SPATC1L: variants seen among roughly 807,000 people sequenced by gnomAD.
The protein encoded by SPATC1L is speriolin-like protein.
Under a neutral mutation model 21.2 loss-of-function variants are expected in SPATC1L, and 20 were observed. The observed-to-expected ratio is 0.94, with a 90% CI of 0.66 to 1.37. The LOEUF is 1.37. Among genes scored for constraint, SPATC1L ranks in the 40% most tolerant of loss-of-function variants. The pLI, the probability that SPATC1L is intolerant of heterozygous loss-of-function variation, is 0.00. For synonymous variants in SPATC1L, 290 were observed against 234.5 expected, an observed-to-expected ratio of 1.24 and a Z score of -2.16; for missense variants, 499 against 478.7, an observed-to-expected ratio of 1.04 and a Z score of -0.40.
chr21:46,170,521 T>TC (rs769482374), intron 2 of SPATC1L, among the ~76,000 whole-genome samples: 9 of 23,668 alleles, frequency 3.8e-4, no homozygotes, highest in African/African-American at 7.1e-4. Context: ...AGGAGGAGCC[T>TC]CCTGCTCTGT....
intron 2 of SPATC1L, among the ~76,000 whole-genome samples, chr21:46,171,441 A>G (rs1246853904): frequency 6.6e-6 from 1 of 152,036 alleles, no homozygotes; most frequent in Non-Finnish European, 1.5e-5. Context: ...AAAAAAAAAA[A>G]AAAATGTGCC....
chr21:46,167,797 A>G (rs1164584243), intron 3 of SPATC1L, among the ~76,000 whole-genome samples: 1 of 152,176 alleles, frequency 6.6e-6, no homozygotes, highest in Non-Finnish European at 1.5e-5. Flanking sequence ...TATGAAAATT[A>G]ACTTGGAATT....
rs1181649124 is a variant in SPATC1L at position 46,161,337 on chromosome 21, C to A, written c.*42G>T. Reference sequence around the variant, plus strand: ...GAGGCACCGCGGCCCCGGGTTGGAACAAACGCGTTTACTGCAGGCAAGGCG... The same window carrying A: ...GAGGCACCGCGGCCCCGGGTTGGAAAAAACGCGTTTACTGCAGGCAAGGCG... On this transcript the variant is annotated 3_prime_UTR_variant, in exon 5 of 5. Coordinates refer to ENST00000291672, the MANE Select transcript of SPATC1L (RefSeq NM_001142854.2). 3.4e-6 allele frequency: 5 copies of A among 1,468,690 alleles called. No homozygotes were observed. Among genetic ancestry groups the A allele is most frequent in the Non-Finnish European group, 4.5e-6 (5 of 1,115,038 alleles). The allele number at this position is 1,468,690 out of a possible 1,614,324, so 91.0% of individuals were successfully genotyped here.
rs1290857121 is a variant in SPATC1L, at chr21:46,161,510, T to C, written c.892A>G (p.Ser298Gly). 1 of 1,608,712 alleles carries C rather than the reference T, an allele frequency of 6.2e-7. No individual in the cohort carries two copies. Among genetic ancestry groups the C allele is most frequent in the East Asian group, 2.2e-5 (1 of 44,716 alleles). ...AGCTTGCGCAGCGCGGCCGGGCTGC[T>C]GTGCAGGGGGTTGGCGCGCAGGTCG... ...RPDLRANPLHSSPAALRKLVI... is the reference protein window; with the variant it reads ...RPDLRANPLHGSPAALRKLVI... The change falls in exon 5 of 5, where the codon AGC (serine) becomes GGC (glycine). Residue 298 changes from serine (S) to glycine (G), a missense_variant. Coordinates refer to ENST00000291672, the MANE Select transcript of SPATC1L (RefSeq NM_001142854.2).
intron 2 of SPATC1L, among the ~76,000 whole-genome samples, chr21:46,172,132 AGTG>A (rs771157901): frequency 0.72 from 89,396 of 125,006 alleles, 35,176 homozygotes; most frequent in East Asian, 0.98. Flanking sequence ...GGATGCACAG[AGTG>A]TGAGGTGGGG....
chr21:46,176,056 T>C (rs2079630863), intron 2 of SPATC1L, among the ~76,000 whole-genome samples: 1 of 151,980 alleles, frequency 6.6e-6, no homozygotes, highest in Non-Finnish European at 1.5e-5. Context: ...AAAAACCATA[T>C]GATTATCTTA....
chr21:46,182,712 G>C lies in SPATC1L; in HGVS notation c.105C>G (p.Leu35=). 1 of 1,546,098 alleles carries C rather than the reference G, an allele frequency of 6.5e-7. No individual in the cohort carries two copies. Among genetic ancestry groups the C allele is most frequent in the Non-Finnish European group, 8.7e-7 (1 of 1,146,652 alleles). ...CGCCGCCCTCCTGGCAGCTCTGGCT[G>C]AGCAGCCGCCGCAGCATCTGATTCT... ...LKENQMLRRL[L]SQSCQEGGGH... The change falls in exon 2 of 5, where the codon CTC becomes CTG. Residue 35 remains leucine, a synonymous_variant. Transcript: ENST00000291672.
chr21:46,182,948 A>C lies in SPATC1L; in HGVS notation c.-132T>G, dbSNP rs1460322533. 2 of 935,330 alleles carry C rather than the reference A, an allele frequency of 2.1e-6. No homozygotes were observed. The highest frequency in any genetic ancestry group is 3.1e-6 in the Non-Finnish European group (2 of 650,860). The allele number at this position is 935,330 out of a possible 1,614,324, so 57.9% of individuals were successfully genotyped here. A position where few individuals can be genotyped will look rare whatever the true frequency, so the allele number is the denominator to read the frequency against. On this transcript the variant is annotated 5_prime_UTR_variant, in exon 2 of 5. Coordinates refer to ENST00000291672, the MANE Select transcript of SPATC1L (RefSeq NM_001142854.2). ...CCACCACCGCCTTCCACGCCTTGTG[A>C]TGTCACTGCCCTAGTGATGAGGTGC...
chr21:46,161,484 C>T lies in SPATC1L; in HGVS notation c.918G>A (p.Leu306=). The T allele has an allele frequency of 2.5e-6, 4 of 1,601,444 alleles. No individual in the cohort carries two copies. The highest frequency in any genetic ancestry group is 1.3e-5 in the African/African-American group (1 of 74,794). ...LHSSPAALRK[L]VIDVVPPKFL... ...ACTTGGGGGGCACCACGTCGATGAC[C>T]AGCTTGCGCAGCGCGGCCGGGCTGC... Residue 306 remains leucine (L), a synonymous_variant, in exon 5 of 5, where the codon CTG becomes CTA. Transcript: ENST00000291672.
In SPATC1L at chr21:46,170,439, G is replaced by A. The variant is rs1299948123; in HGVS notation, c.194-1781C>T. ...GAACATCCTCTGTGGATGGGGAGGA[G>A]CCTCCCTGCTCTGTGAGCATCCTCT... On this transcript the variant is annotated intron_variant, in intron 2 of 4. Coordinates refer to ENST00000291672, the MANE Select transcript of SPATC1L (RefSeq NM_001142854.2). 2.3e-5 allele frequency among the ~76,000 whole-genome samples: 3 copies of A among 132,204 alleles called. No individual in the cohort carries two copies. The East Asian group carries it at 6.0e-4, about 26-fold the overall frequency. The allele number at this position is 132,204 out of a possible 152,430, so 86.7% of individuals were successfully genotyped here.
At position 46,161,225 on chromosome 21, in the gene SPATC1L, G is replaced by A. The variant is rs2079482489; in HGVS notation, c.*154C>T. The A allele has an allele frequency of 4.8e-6, 3 of 629,434 alleles. No homozygotes were observed. The highest frequency in any genetic ancestry group is 7.3e-6 in the Non-Finnish European group (3 of 410,150). 39.0% of individuals were successfully genotyped at this position (629,434 alleles called of 1,614,324 possible). On this transcript the variant is annotated 3_prime_UTR_variant, in exon 5 of 5. Transcript: ENST00000291672. ...CAGGTGCGGGCAGCGGCGGGCTGCG[G>A]TCGGGGCCCAGCACCGGTGGGAGCG...
intron 2 of SPATC1L, among the ~76,000 whole-genome samples, chr21:46,177,861 AC>A (rs1189264724): frequency 6.6e-6 from 1 of 152,234 alleles, no homozygotes; most frequent in Admixed American, 6.5e-5. Flanking sequence ...CACGGAATCA[AC>A]TTAAATGCCC....
At position 46,163,325 on chromosome 21, in the gene SPATC1L, G is replaced by GT. The variant is rs772186595; in HGVS notation, c.545-1259dup. ...ACTGTCCTTTGAAGCACAAAAGTTT[G>GT]TTTTTTTGTTTTGTTTTACTTTTGA... On this transcript the variant is annotated intron_variant, in intron 3 of 4. Coordinates refer to ENST00000291672, the MANE Select transcript of SPATC1L (RefSeq NM_001142854.2). 5.3e-5 allele frequency among the ~76,000 whole-genome samples: 8 copies of GT among 152,228 alleles called. No individual in the cohort carries two copies. The East Asian group carries it at 1.2e-3, about 22-fold the overall frequency.
intron 2 of SPATC1L, 92 bp from the exon 3 acceptor site, chr21:46,168,750 C>A: frequency 1.2e-6 from 1 of 817,738 alleles, no homozygotes; most frequent in Admixed American, 3.9e-5. Flanking sequence ...CCCCTATGCA[C>A]CCCACCCCAA....
intron 4 of SPATC1L, 66 bp downstream of exon 4, chr21:46,161,850 G>A: frequency 6.4e-7 from 1 of 1,565,338 alleles, no homozygotes; most frequent in Admixed American, 1.8e-5. Flanking sequence ...CCAAGATCTG[G>A]GGGCCGCACA....
chr21:46,163,505 C>A (rs900572346), intron 3 of SPATC1L, among the ~76,000 whole-genome samples: 23 of 152,180 alleles, frequency 1.5e-4, no homozygotes, highest in African/African-American at 4.8e-4. Flanking sequence ...GTCTTTGATC[C>A]ATTTTGAGTT....
At position 46,182,771 on chromosome 21, in the gene SPATC1L, C is replaced by A. The variant is rs913515766; in HGVS notation, c.46G>T (p.Ala16Ser). 7.1e-6 allele frequency: 11 copies of A among 1,546,936 alleles called. No individual in the cohort carries two copies. In the African/African-American group the frequency reaches 1.1e-4, roughly 15 times the overall value. ...AGGCGCACCTGCTTCTTCAGGTCCG[C>A]GTTCTCGCTCAGGAGCCGGCTCATC... Reference protein sequence around the residue: ...ELMSRLLSENADLKKQVRLLK... With the variant: ...ELMSRLLSENSDLKKQVRLLK... The change falls in exon 2 of 5, where the codon GCG (alanine) becomes TCG (serine). Residue 16 changes from alanine to serine, a missense_variant. By Grantham distance (99) the Ala-to-Ser change is moderately conservative. Coordinates refer to ENST00000291672, the MANE Select transcript of SPATC1L (RefSeq NM_001142854.2).
At chr21:46,181,973 A>C (rs1307458918) in intron 2 of SPATC1L, among the ~76,000 whole-genome samples, 6 of 152,186 alleles carry the variant, frequency 3.9e-5, no homozygotes, top group Non-Finnish European at 5.9e-5. Context: ...AAAGTGACCA[A>C]ACCCTATATA....
chr21:46,163,877 T>G (rs1248202836), intron 3 of SPATC1L, among the ~76,000 whole-genome samples: 1 of 152,230 alleles, frequency 6.6e-6, no homozygotes, highest in African/African-American at 2.4e-5. Flanking sequence ...AAGAAGCCAC[T>G]AGGATTCTGA....
Sources: allele counts gnomAD v4.1 joint callset (sites outside exome capture counted in the v4.1 genomes callset), GRCh38; gene constraint gnomAD v4.1.1; transcripts MANE v1.5; gene names NCBI Gene and HGNC (gene_info 2026-07-23, HGNC 2026-07-21).